The following AKAP10 variants were observed in gnomAD, a reference collection of about 807,000 sequenced individuals.
AKAP10 encodes A-kinase anchoring protein 10.
In AKAP10, 24 loss-of-function variants were observed where a neutral mutation model predicts 80.8. The observed-to-expected ratio is 0.30, with a 90% CI of 0.22 to 0.42. AKAP10 has a LOEUF of 0.42. Among genes scored for constraint, AKAP10 ranks in the 10% least tolerant of loss-of-function variants. The probability of loss-of-function intolerance (pLI) is 1.00; values close to 1 mark genes in which losing one functional copy is unlikely to be tolerated. For missense variants in AKAP10, 661 were observed against 794.9 expected (o/e 0.83, Z 2.03); for synonymous variants, 291 against 277.7 (o/e 1.05, Z -0.48).
Position 19,953,889 on chromosome 17 carries a change from G to A in AKAP10, c.877+4125C>T, listed in dbSNP as rs560266798. Among the ~76,000 whole-genome samples, 67 of 152,090 alleles carry A rather than the reference G, an allele frequency of 4.4e-4. 1 individual carries two copies. The highest frequency in any genetic ancestry group is 1.4e-3 in the African/African-American group (59 of 41,464). ...TGCATTAAAAATACAAAAATTAGTC[G>A]GGCATGGTGGCACACGCTTGTAATC... On this transcript the variant is annotated intron_variant, in intron 4 of 14. Coordinates refer to ENST00000225737, the MANE Select transcript of AKAP10 (RefSeq NM_007202.4).
chr17:19,924,778 C>A (rs951827087), intron 10 of AKAP10, among the ~76,000 whole-genome samples: 1 of 152,046 alleles, frequency 6.6e-6, no homozygotes, highest in Non-Finnish European at 1.5e-5. Flanking sequence ...TGCAATGGCG[C>A]GATCACAACT....
intron 9 of AKAP10, chr17:19,935,999 T>C (rs1392435230): frequency 8.3e-6 from 2 of 241,666 alleles, no homozygotes; most frequent in Non-Finnish European, 1.6e-5. Flanking sequence ...TTTTTTCTTT[T>C]TTACTTATTA....
chr17:19,939,591 C>G, intron 8 of AKAP10, 122 bp downstream of exon 8: 2 of 1,180,024 alleles, frequency 1.7e-6, no homozygotes, highest in African/African-American at 1.6e-5. Flanking sequence ...ATAAAAGCAG[C>G]TTTTATGCTG....
At chr17:19,960,245 T>A (rs1182102188) in intron 3 of AKAP10, among the ~76,000 whole-genome samples, 1 of 152,218 alleles carries the variant, frequency 6.6e-6, no homozygotes, top group East Asian at 1.9e-4. Context: ...TTGTTTTTAG[T>A]TCTTTGTAAT....
At chr17:19,929,273 C>T (rs1365935282) in intron 10 of AKAP10, 4 of 152,128 alleles carry the variant, frequency 2.6e-5, no homozygotes, top group South Asian at 4.2e-4. Context: ...GTTCTAAAAT[C>T]GATGTGGTAA....
chr17:19,965,965 G>A (rs2152418833), intron 2 of AKAP10, among the ~76,000 whole-genome samples: 1 of 151,384 alleles, frequency 6.6e-6, no homozygotes, highest in Admixed American at 6.6e-5. Context: ...TGAATACTTT[G>A]CCCTAGGTTA....
At chr17:19,965,518 T>G (rs1204471048) in intron 2 of AKAP10, among the ~76,000 whole-genome samples, 1 of 152,204 alleles carries the variant, frequency 6.6e-6, no homozygotes, top group Non-Finnish European at 1.5e-5. Flanking sequence ...TATACCTTCA[T>G]CTCAATCTTT....
At chr17:19,927,346 A>G (rs2042885956) in intron 10 of AKAP10, among the ~76,000 whole-genome samples, 1 of 151,832 alleles carries the variant, frequency 6.6e-6, no homozygotes, top group African/African-American at 2.4e-5. Context: ...AAAAACAAAC[A>G]AACAAACAAA....
At chr17:19,973,042 CTA>C (rs2043519504) in intron 1 of AKAP10, among the ~76,000 whole-genome samples, 1 of 152,150 alleles carries the variant, frequency 6.6e-6, no homozygotes, top group African/African-American at 2.4e-5. Flanking sequence ...TGCAGTGGTG[CTA>C]TCTCAGCTCA....
At position 19,952,996 on chromosome 17, in the gene AKAP10, T is replaced by G. The variant is rs566800151; in HGVS notation, c.877+5018A>C. Among the ~76,000 whole-genome samples the G allele has an allele frequency of 3.3e-5, 5 of 152,256 alleles. 1 individual carries two copies. Among genetic ancestry groups the G allele is most frequent in the South Asian group, 2.1e-4 (1 of 4,822 alleles). ...CAATCTTTATACTGTATGTGGTATA[T>G]TCACATTTTAAAAAATTTTTTAATG... On this transcript the variant is annotated intron_variant, in intron 4 of 14. Transcript: ENST00000225737.
At chr17:19,920,560 T>C (rs1015409947) in intron 11 of AKAP10, among the ~76,000 whole-genome samples, 1 of 152,004 alleles carries the variant, frequency 6.6e-6, no homozygotes, top group Non-Finnish European at 1.5e-5. Context: ...AAGCAAAAAG[T>C]GGCTAGGCAC....
At chr17:19,942,240 T>C (rs565312083) in intron 5 of AKAP10, among the ~76,000 whole-genome samples, 1 of 152,156 alleles carries the variant, frequency 6.6e-6, no homozygotes, top group East Asian at 1.9e-4. Context: ...TACCAAGAGC[T>C]CTTATAAACT....
chr17:19,958,393 C>T lies in AKAP10; in HGVS notation c.498G>A (p.Trp166Ter), dbSNP rs1478119047. The change falls in exon 4 of 15, where the codon TGG (tryptophan) becomes TGA (stop). Residue 166 changes from tryptophan (W) to a stop codon, truncating the protein, a stop_gained. Transcript: ENST00000225737. LOFTEE classifies it high-confidence loss of function. ...LEAESFHSTTWSRIRAHSLNT... is the reference protein window; with the variant it reads ...LEAESFHSTT ...TTAGACTGTGTGCTCTTATTCGCGA[C>T]CAAGTTGTTGAATGAAAACTTTCAG... The T allele has an allele frequency of 6.2e-7, 1 of 1,614,200 alleles. No homozygotes were observed. Among genetic ancestry groups the T allele is most frequent in the Admixed American group, 1.7e-5 (1 of 60,026 alleles).
At chr17:19,920,366 T>C (rs914781093) in intron 11 of AKAP10, among the ~76,000 whole-genome samples, 1 of 152,096 alleles carries the variant, frequency 6.6e-6, no homozygotes, top group Non-Finnish European at 1.5e-5. Flanking sequence ...CAACAGGTAA[T>C]TCACAATTCT....
chr17:19,941,713 T>C (rs996476810), intron 6 of AKAP10, 113 bp downstream of exon 6: 6 of 666,482 alleles, frequency 9.0e-6, no homozygotes, highest in Non-Finnish European at 1.3e-5. Context: ...CTTGTAAATA[T>C]CCAAAATATT....
chr17:19,909,624 G>C (rs1206409733), intron 13 of AKAP10, among the ~76,000 whole-genome samples: 1 of 151,442 alleles, frequency 6.6e-6, no homozygotes. Flanking sequence ...AGTGGGGAAG[G>C]AAACATTTGA....
chr17:19,973,965 G>A lies in AKAP10; in HGVS notation c.88+3627C>T, dbSNP rs185150896. Reference sequence around the variant, plus strand: ...ATGCCTGTAATCCCAGCCTTTGGGAGGCCGAGGCAGGCAGATCACCTGAGG... The same window carrying A: ...ATGCCTGTAATCCCAGCCTTTGGGAAGCCGAGGCAGGCAGATCACCTGAGG... On this transcript the variant is annotated intron_variant, in intron 1 of 14. Coordinates refer to ENST00000225737, the MANE Select transcript of AKAP10 (RefSeq NM_007202.4). Among the ~76,000 whole-genome samples, 23 of 152,310 alleles carry A rather than the reference G, an allele frequency of 1.5e-4. No homozygotes were observed. The East Asian group carries it at 4.2e-3, about 28-fold the overall frequency.
intron 2 of AKAP10, among the ~76,000 whole-genome samples, chr17:19,965,982 T>C (rs1478474729): frequency 1.3e-5 from 2 of 152,136 alleles, no homozygotes; most frequent in Non-Finnish European, 2.9e-5. Flanking sequence ...GTTAATGAGC[T>C]AGTAAACAGC....
At chr17:19,919,598 C>T (rs1053550275) in intron 12 of AKAP10, among the ~76,000 whole-genome samples, 12 of 151,576 alleles carry the variant, frequency 7.9e-5, no homozygotes, top group African/African-American at 2.9e-4. Flanking sequence ...GCAGGAAAAT[C>T]GCTTGAACCT....
Sources: allele counts gnomAD v4.1 joint callset (sites outside exome capture counted in the v4.1 genomes callset), GRCh38; gene constraint gnomAD v4.1.1; transcripts MANE v1.5; gene names NCBI Gene and HGNC (gene_info 2026-07-23, HGNC 2026-07-21).